GALNT17: variants seen among roughly 807,000 people sequenced by gnomAD.
The protein encoded by GALNT17 is UDP-GalNAc:polypeptide N-acetylgalactosaminyltransferase-like 3.
In GALNT17, 29 loss-of-function variants were observed where a neutral mutation model predicts 63.7. That is an observed-to-expected ratio of 0.46 (90% CI 0.34 to 0.62). The LOEUF is 0.62. Among genes scored for constraint, GALNT17 ranks in the 20% least tolerant of loss-of-function variants. The pLI is 0.01. For missense variants in GALNT17, 603 were observed against 799.6 expected, an observed-to-expected ratio of 0.75 and a Z score of 2.97; for synonymous variants, 305 against 318.3, an observed-to-expected ratio of 0.96 and a Z score of 0.45.
intron 6 of GALNT17, among the ~76,000 whole-genome samples, chr7:71,622,666 C>T (rs1000850021): frequency 3.3e-5 from 5 of 152,140 alleles, no homozygotes; most frequent in Non-Finnish European, 5.9e-5. Context: ...TGATCTCTGT[C>T]ACTCCTGTTT....
intron 1 of GALNT17, among the ~76,000 whole-genome samples, chr7:71,200,969 T>A (rs1321253186): frequency 6.6e-6 from 1 of 151,986 alleles, no homozygotes; most frequent in Non-Finnish European, 1.5e-5. Context: ...TTTTAAACAC[T>A]CTTGATATAG....
chr7:71,573,276 C>T (rs1239113181), intron 6 of GALNT17, among the ~76,000 whole-genome samples: 2 of 151,888 alleles, frequency 1.3e-5, no homozygotes, highest in East Asian at 1.9e-4. Context: ...TCCCAAAGTG[C>T]TGGGATTACA....
chr7:71,651,068 C>T (rs2117022304), intron 6 of GALNT17, among the ~76,000 whole-genome samples: 1 of 152,028 alleles, frequency 6.6e-6, no homozygotes, highest in East Asian at 1.9e-4. Context: ...TTAATACTTA[C>T]TTAGTTGAAG....
chr7:71,508,973 C>T (rs1391098236), intron 5 of GALNT17, among the ~76,000 whole-genome samples: 2 of 152,256 alleles, frequency 1.3e-5, no homozygotes, highest in African/African-American at 2.4e-5. Context: ...TGTCTGCGTA[C>T]ATACAGCCTC....
At chr7:71,240,330 G>T (rs985317087) in intron 1 of GALNT17, among the ~76,000 whole-genome samples, 7 of 152,192 alleles carry the variant, frequency 4.6e-5, no homozygotes, top group African/African-American at 1.4e-4. Flanking sequence ...TGTTACAACG[G>T]TTTATTGCAT....
chr7:71,148,020 T>C (rs1044835081), intron 1 of GALNT17, among the ~76,000 whole-genome samples: 1 of 152,242 alleles, frequency 6.6e-6, no homozygotes, highest in Admixed American at 6.5e-5. Context: ...TCACCTCTTA[T>C]GGTACTTTCA....
chr7:71,175,780 A>G (rs1432019175), intron 1 of GALNT17, among the ~76,000 whole-genome samples: 1 of 152,332 alleles, frequency 6.6e-6, no homozygotes. Flanking sequence ...GCACGCCTGT[A>G]GTCCCAGCTA....
chr7:71,579,161 G>A (rs566256219), intron 6 of GALNT17, among the ~76,000 whole-genome samples: 2 of 152,212 alleles, frequency 1.3e-5, no homozygotes, highest in Admixed American at 6.5e-5. Flanking sequence ...TACCTTTGTA[G>A]GGCAGAGCCC....
At chr7:71,610,343 A>G (rs1790108424) in intron 6 of GALNT17, among the ~76,000 whole-genome samples, 1 of 151,994 alleles carries the variant, frequency 6.6e-6, no homozygotes, top group African/African-American at 2.4e-5. Context: ...ATAACTGGGC[A>G]TGGTTGTGCA....
chr7:71,210,138 G>A (rs1035868159), intron 1 of GALNT17, among the ~76,000 whole-genome samples: 4 of 152,088 alleles, frequency 2.6e-5, no homozygotes, highest in African/African-American at 7.2e-5. Flanking sequence ...AGCCAGGCTG[G>A]TCTTGAACTC....
At chr7:71,305,180 C>T (rs1038039642) in intron 1 of GALNT17, among the ~76,000 whole-genome samples, 5 of 151,946 alleles carry the variant, frequency 3.3e-5, no homozygotes, top group African/African-American at 7.3e-5. Context: ...TATTATTTTT[C>T]TTCTATCACA....
At chr7:71,184,954 T>C (rs1280691374) in intron 1 of GALNT17, among the ~76,000 whole-genome samples, 1 of 95,700 alleles carries the variant, frequency 1.0e-5, no homozygotes, top group African/African-American at 6.0e-5. Context: ...CTTCCTTCCT[T>C]CCTTCCTTCC....
chr7:71,687,195 C>G (rs1036845882), intron 9 of GALNT17, among the ~76,000 whole-genome samples: 2 of 152,236 alleles, frequency 1.3e-5, no homozygotes, highest in Non-Finnish European at 2.9e-5. Context: ...CGTTTCTTCT[C>G]TCAGTTAATT....
At chr7:71,144,235 C>G (rs932698801) in intron 1 of GALNT17, among the ~76,000 whole-genome samples, 2 of 151,998 alleles carry the variant, frequency 1.3e-5, no homozygotes, top group Non-Finnish European at 2.9e-5. Flanking sequence ...GTCAGAAATC[C>G]CCTTGTCAGC....
At chr7:71,678,315 G>A (rs560984825) in intron 9 of GALNT17, among the ~76,000 whole-genome samples, 14 of 151,564 alleles carry the variant, frequency 9.2e-5, no homozygotes, top group South Asian at 8.4e-4. Flanking sequence ...CAGTAGAGAC[G>A]GGGTTTCACC....
At chr7:71,227,224 C>T (rs1789697151) in intron 1 of GALNT17, among the ~76,000 whole-genome samples, 1 of 144,450 alleles carries the variant, frequency 6.9e-6, no homozygotes, top group South Asian at 2.2e-4. Context: ...ATTAGCTGGG[C>T]ATGGTGGTAT....
chr7:71,592,608 T>TAAAATAAAC (rs1285616594), intron 6 of GALNT17, among the ~76,000 whole-genome samples: 1 of 56,860 alleles, frequency 1.8e-5, no homozygotes, highest in African/African-American at 5.2e-5. Flanking sequence ...ATAAAATAAA[T>TAAAATAAAC]AAAGCATGCA....
chr7:71,513,055 G>A (rs1205319729), intron 5 of GALNT17, among the ~76,000 whole-genome samples: 2 of 152,252 alleles, frequency 1.3e-5, no homozygotes, highest in African/African-American at 2.4e-5. Flanking sequence ...CTGTGTTCTC[G>A]GGTTGATTAA....
At chr7:71,600,473 C>G (rs1789950443) in intron 6 of GALNT17, among the ~76,000 whole-genome samples, 1 of 152,072 alleles carries the variant, frequency 6.6e-6, no homozygotes, top group Admixed American at 6.5e-5. Flanking sequence ...TAACTGTAAT[C>G]ATTCCCCACG....
Sources: gnomAD v4.1 joint callset for allele counts (sites outside exome capture counted in the v4.1 genomes callset) on GRCh38, gnomAD v4.1.1 for gene constraint, MANE v1.5 for transcripts, NCBI Gene and HGNC (gene_info 2026-07-23, HGNC 2026-07-21) for gene names.